CHD2: variants seen among roughly 807,000 people sequenced by gnomAD.
CHD2 encodes chromodomain helicase DNA binding protein 2.
CHD2 carries 28 observed loss-of-function variants against 243.9 expected under a neutral mutation model. The ratio of observed to expected loss-of-function variants is 0.11; its 90% CI spans 0.09 to 0.16. The LOEUF is 0.16. Among genes scored for constraint, CHD2 ranks in the 10% least tolerant of loss-of-function variants. The pLI is 1.00. For synonymous variants in CHD2, 775 were observed against 779.0 expected (o/e 0.99, Z 0.09); for missense variants, 1,386 against 2,209.8 (o/e 0.63, Z 7.47).
At position 93,002,179 on chromosome 15, in the gene CHD2, T is replaced by C; in HGVS notation, c.4140T>C (p.Asp1380=). 1.9e-6 allele frequency: 3 copies of C among 1,583,642 alleles called. No individual in the cohort carries two copies. The highest frequency in any genetic ancestry group is 2.4e-5 in the South Asian group (2 of 84,564). Residue 1380 remains aspartate, a splice_region_variant and synonymous_variant, in exon 33 of 39, where the codon GAT becomes GAC. Coordinates refer to ENST00000394196, the MANE Select transcript of CHD2 (RefSeq NM_001271.4). ...CATAGCCCTGTTTTGTTTCCTAGGA[T>C]GATGGCTTGGAAAAAAGTCCAATGA... ...DNPSEEGEVK[D]DGLEKSPMKK... is the part of the protein sequence containing the mutation.
At chr15:92,912,320 G>A (rs1231301216) in intron 2 of CHD2, among the ~76,000 whole-genome samples, 1 of 152,114 alleles carries the variant, frequency 6.6e-6, no homozygotes, top group Non-Finnish European at 1.5e-5. Flanking sequence ...GAACTGTTGT[G>A]TTTATCTGCC....
intron 2 of CHD2, among the ~76,000 whole-genome samples, chr15:92,923,503 T>A (rs2052998982): frequency 1.3e-5 from 2 of 152,086 alleles, no homozygotes; most frequent in African/African-American, 2.4e-5. Context: ...CAAGCAATCT[T>A]CCTGCCTAGG....
intron 21 of CHD2, 52 bp from the exon 22 acceptor site, chr15:92,979,083 G>C (rs1010368845): frequency 1.9e-6 from 3 of 1,577,990 alleles, no homozygotes; most frequent in South Asian, 1.2e-5. Flanking sequence ...TCTTTTTTTG[G>C]GGGGGTTGGG....
At chr15:92,966,835 G>A (rs978059351) in intron 16 of CHD2, among the ~76,000 whole-genome samples, 3 of 152,000 alleles carry the variant, frequency 2.0e-5, no homozygotes, top group African/African-American at 7.3e-5. Flanking sequence ...ACTTGAGCCT[G>A]GGAGGTGGAG....
At chr15:93,015,896 A>G (rs529647804) in intron 37 of CHD2, among the ~76,000 whole-genome samples, 1 of 152,332 alleles carries the variant, frequency 6.6e-6, no homozygotes, top group South Asian at 2.1e-4. Context: ...AACCCAGCGC[A>G]TTGTTGCTGG....
intron 16 of CHD2, among the ~76,000 whole-genome samples, chr15:92,964,296 G>C (rs1286956228): frequency 6.6e-6 from 1 of 152,158 alleles, no homozygotes; most frequent in Non-Finnish European, 1.5e-5. Flanking sequence ...CAAAATTGTT[G>C]TTCACAAAGA....
At chr15:92,930,162 T>A (rs1228780177) in intron 5 of CHD2, among the ~76,000 whole-genome samples, 1 of 152,206 alleles carries the variant, frequency 6.6e-6, no homozygotes, top group Non-Finnish European at 1.5e-5. Context: ...GGGAGACTAT[T>A]ATCTGCTTAC....
chr15:92,959,153 A>G (rs1347152419), intron 16 of CHD2, among the ~76,000 whole-genome samples: 1 of 152,256 alleles, frequency 6.6e-6, no homozygotes, highest in Non-Finnish European at 1.5e-5. Context: ...TATCTGACAC[A>G]GATTTGCCTA....
At chr15:93,007,114 A>T (rs2054331593) in intron 34 of CHD2, among the ~76,000 whole-genome samples, 1 of 152,226 alleles carries the variant, frequency 6.6e-6, no homozygotes, top group Non-Finnish European at 1.5e-5. Flanking sequence ...ACTTTATTAG[A>T]TACTCGAGTT....
At chr15:92,940,586 T>G (rs894371749) in intron 7 of CHD2, among the ~76,000 whole-genome samples, 4 of 151,550 alleles carry the variant, frequency 2.6e-5, no homozygotes. Flanking sequence ...CCTAGAGATA[T>G]TCATAACTTA....
At chr15:92,949,750 T>C (rs914076483) in intron 13 of CHD2, among the ~76,000 whole-genome samples, 5 of 152,202 alleles carry the variant, frequency 3.3e-5, no homozygotes, top group African/African-American at 1.2e-4. Context: ...AAACAAATGC[T>C]TGTTCCTCGG....
At chr15:92,960,496 G>A (rs2053670539) in intron 16 of CHD2, among the ~76,000 whole-genome samples, 1 of 151,980 alleles carries the variant, frequency 6.6e-6, no homozygotes, top group South Asian at 2.1e-4. Flanking sequence ...ATTAGGTTTT[G>A]TCAAATGCTT....
intron 18 of CHD2, 41 bp from the exon 19 acceptor site, chr15:92,972,224 G>T (rs1567147369): frequency 1.3e-6 from 2 of 1,582,584 alleles, no homozygotes. Flanking sequence ...ATTAAAATTT[G>T]TGTTTCAACA....
chr15:92,946,072 C>A lies in CHD2; in HGVS notation c.1233C>A (p.Pro411=). ...HSRKPAPSNE[P]EYLCKWMGLP... is the part of the protein sequence containing the mutation. ...GGAAGCCGGCACCCTCAAATGAGCC[C>A]GAATATCTATGTAAATGGATGGGAC... Residue 411 remains proline (P), a synonymous_variant, in exon 12 of 39, where the codon CCC becomes CCA. Transcript: ENST00000394196. The A allele has an allele frequency of 6.2e-7, 1 of 1,602,232 alleles. No individual in the cohort carries two copies. Among genetic ancestry groups the A allele is most frequent in the Non-Finnish European group, 8.5e-7 (1 of 1,173,028 alleles).
intron 5 of CHD2, 146 bp from the exon 6 acceptor site, chr15:92,937,372 T>G (rs1299081381): frequency 3.4e-6 from 2 of 591,350 alleles, no homozygotes; most frequent in African/African-American, 3.7e-5. Flanking sequence ...CAATTCAAGT[T>G]TAAATGGAGC....
At chr15:92,924,213 A>G (rs2053014558) in intron 2 of CHD2, 108 bp from the exon 3 acceptor site, 1 of 876,946 alleles carries the variant, frequency 1.1e-6, no homozygotes, top group Non-Finnish European at 1.7e-6. Context: ...TTGGTCTTAT[A>G]TTACTAAAAT....
intron 2 of CHD2, chr15:92,904,968 C>G: frequency 6.5e-7 from 1 of 1,535,918 alleles, no homozygotes; most frequent in Middle Eastern, 1.7e-4. Context: ...TACTTGGTAC[C>G]GTACATTTTC....
chr15:92,968,906 A>G (rs2053802926), intron 17 of CHD2, among the ~76,000 whole-genome samples: 1 of 152,218 alleles, frequency 6.6e-6, no homozygotes, highest in Non-Finnish European at 1.5e-5. Flanking sequence ...CCGTAATAGT[A>G]GTTGATAGTT....
intron 36 of CHD2, among the ~76,000 whole-genome samples, chr15:93,013,455 A>G (rs561961999): frequency 2.0e-5 from 3 of 152,350 alleles, no homozygotes; most frequent in African/African-American, 7.2e-5. Context: ...TAAGCTGAAT[A>G]ACAAAAACAG....
Sources: gnomAD v4.1 joint callset for allele counts (sites outside exome capture counted in the v4.1 genomes callset) on GRCh38, gnomAD v4.1.1 for gene constraint, MANE v1.5 for transcripts, NCBI Gene and HGNC (gene_info 2026-07-23, HGNC 2026-07-21) for gene names.